SEMA3D: variants seen among roughly 807,000 people sequenced by gnomAD.
SEMA3D encodes semaphorin 3D, also known as semaphorin-3D.
Under a neutral mutation model 100.1 loss-of-function variants are expected in SEMA3D, and 84 were observed. The ratio of observed to expected loss-of-function variants is 0.84; its 90% CI spans 0.70 to 1.01. The LOEUF is 1.01. SEMA3D is among the 50% of genes least tolerant of loss of function. SEMA3D has a pLI of 0.00. For missense variants in SEMA3D, 875 were observed against 934.1 expected, an observed-to-expected ratio of 0.94 and a Z score of 0.82; for synonymous variants, 312 against 320.7, an observed-to-expected ratio of 0.97 and a Z score of 0.29.
At chr7:85,154,917 T>C (rs1412944024) in intron 1 of SEMA3D, among the ~76,000 whole-genome samples, 7 of 152,212 alleles carry the variant, frequency 4.6e-5, no homozygotes, top group Admixed American at 4.6e-4. Context: ...TTTTTAAAGG[T>C]ATTCATTTAA....
At chr7:85,081,374 C>CTTAATATTAATTAATATTAACATTAATTA (rs1432168050) in intron 5 of SEMA3D, 143 bp downstream of exon 5, 21 of 507,430 alleles carry the variant, frequency 4.1e-5, no homozygotes, top group Admixed American at 6.7e-5. Flanking sequence ...TATTTTATTC[C>CTTAATATTAATTAATATTAACATTAATTA]ACATTAATAT....
At position 85,169,623 on chromosome 7, in the gene SEMA3D, G is replaced by A. The variant is rs149267474; in HGVS notation, c.-172-15884C>T. On this transcript the variant is annotated intron_variant, in intron 1 of 18. Coordinates refer to ENST00000284136, the MANE Select transcript of SEMA3D (RefSeq NM_001384900.1). ...TTTGGATATCTTTGATTGAGAAAAGGATAATCATTTTAAGTCTTTCTGATT... is the reference window on the plus strand; with the variant it reads ...TTTGGATATCTTTGATTGAGAAAAGAATAATCATTTTAAGTCTTTCTGATT... Among the ~76,000 whole-genome samples the A allele has an allele frequency of 6.8e-3, 1,032 of 151,902 alleles. 16 individuals carry two copies. Among genetic ancestry groups the A allele is most frequent in the African/African-American group, 0.024 (992 of 41,514 alleles).
chr7:85,118,762 G>T (rs1789321230), intron 3 of SEMA3D, among the ~76,000 whole-genome samples: 1 of 152,142 alleles, frequency 6.6e-6, no homozygotes. Context: ...ACTGTTGACA[G>T]TTTCTTTTGC....
At chr7:85,185,547 T>C (rs942166381) in intron 1 of SEMA3D, among the ~76,000 whole-genome samples, 3 of 152,170 alleles carry the variant, frequency 2.0e-5, no homozygotes, top group Admixed American at 2.0e-4. Flanking sequence ...GCGAAATCGC[T>C]GAAAGTTCGG....
the SEMA3D span, among the ~76,000 whole-genome samples, chr7:85,216,780 T>C: frequency 1.3e-5 from 2 of 152,008 alleles, no homozygotes; most frequent in African/African-American, 2.4e-5. Flanking sequence ...AATTTGTTGT[T>C]TTCTGTAATT....
chr7:85,203,592 C>T, the SEMA3D span, among the ~76,000 whole-genome samples: 803 of 152,128 alleles, frequency 5.3e-3, 11 homozygotes, highest in African/African-American at 0.018. Flanking sequence ...GAGGCTATTT[C>T]CTGAAAAATA....
the SEMA3D span, among the ~76,000 whole-genome samples, chr7:85,231,094 G>GT: frequency 6.6e-6 from 1 of 152,046 alleles, no homozygotes; most frequent in Non-Finnish European, 1.5e-5. Context: ...CAGTGTGACT[G>GT]TTTTTTGTTT....
chr7:85,174,614 A>G (rs1791177917), intron 1 of SEMA3D, among the ~76,000 whole-genome samples: 1 of 152,148 alleles, frequency 6.6e-6, no homozygotes, highest in South Asian at 2.1e-4. Context: ...ATCCTTGAGA[A>G]ACAATCTTGT....
At chr7:85,094,708 T>A (rs1010272803) in intron 4 of SEMA3D, among the ~76,000 whole-genome samples, 4 of 152,066 alleles carry the variant, frequency 2.6e-5, no homozygotes, top group South Asian at 2.1e-4. Flanking sequence ...CATTTTGATC[T>A]AGTGTTGGGG....
intron 8 of SEMA3D, among the ~76,000 whole-genome samples, chr7:85,064,877 T>C (rs1260945540): frequency 1.3e-5 from 2 of 152,206 alleles, no homozygotes. Flanking sequence ...GACAAAATTA[T>C]GTCAATATTA....
chr7:85,126,408 T>TGTGTGTGTGTC (rs1562828157), intron 2 of SEMA3D, among the ~76,000 whole-genome samples: 45 of 130,792 alleles, frequency 3.4e-4, no homozygotes, highest in East Asian at 1.7e-3. Flanking sequence ...GTGTGTCGTG[T>TGTGTGTGTGTC]GTGTGTGTGT....
the SEMA3D span, among the ~76,000 whole-genome samples, chr7:85,246,828 T>C: frequency 6.6e-6 from 1 of 151,928 alleles, no homozygotes; most frequent in Non-Finnish European, 1.5e-5. Flanking sequence ...CATAAGCTTG[T>C]TGAGATGAGC....
At chr7:85,222,687 G>A in the SEMA3D span, among the ~76,000 whole-genome samples, 1 of 152,214 alleles carries the variant, frequency 6.6e-6, no homozygotes, top group South Asian at 2.1e-4. Context: ...CTGCACTTCA[G>A]TCTTTAGCAG....
intron 9 of SEMA3D, among the ~76,000 whole-genome samples, chr7:85,044,075 A>G (rs1790937076): frequency 6.6e-6 from 1 of 151,896 alleles, no homozygotes; most frequent in African/African-American, 2.4e-5. Flanking sequence ...TTTAAGTATA[A>G]ATTATATAAA....
rs1430106428 is a variant in SEMA3D, at chr7:84,997,645, A to G, written c.*1795T>C. The G allele has an allele frequency of 1.3e-5, 2 of 152,522 alleles. No individual in the cohort carries two copies. Among genetic ancestry groups the G allele is most frequent in the African/African-American group, 4.8e-5 (2 of 41,440 alleles). The allele number at this position is 152,522 out of a possible 1,614,324, so 9.4% of individuals were successfully genotyped here. Reference sequence around the variant, plus strand: ...AATAAAATAAAAATAACAGAGAGAGAATGCTCTCAACATAGAGCCACAGAT... The same window carrying G: ...AATAAAATAAAAATAACAGAGAGAGGATGCTCTCAACATAGAGCCACAGAT... On this transcript the variant is annotated 3_prime_UTR_variant, in exon 19 of 19. Coordinates refer to ENST00000284136, the MANE Select transcript of SEMA3D (RefSeq NM_001384900.1).
chr7:85,231,680 G>T, the SEMA3D span, among the ~76,000 whole-genome samples: 1 of 152,190 alleles, frequency 6.6e-6, no homozygotes, highest in Admixed American at 6.5e-5. Context: ...TCGATCTCCT[G>T]ACTTTGTGAT....
intron 9 of SEMA3D, among the ~76,000 whole-genome samples, chr7:85,049,940 G>A (rs1791113682): frequency 6.6e-6 from 1 of 151,726 alleles, no homozygotes; most frequent in African/African-American, 2.4e-5. Flanking sequence ...TAAGTATAAT[G>A]GGCAGCTCTT....
At chr7:85,127,137 C>T (rs900336659) in intron 2 of SEMA3D, among the ~76,000 whole-genome samples, 1 of 152,114 alleles carries the variant, frequency 6.6e-6, no homozygotes, top group Admixed American at 6.6e-5. Context: ...TGATTAAATG[C>T]TAATCTACTT....
chr7:85,013,305 A>G (rs965892094), intron 16 of SEMA3D, among the ~76,000 whole-genome samples: 2 of 151,760 alleles, frequency 1.3e-5, no homozygotes, highest in African/African-American at 4.8e-5. Flanking sequence ...TCATTATTGC[A>G]TAGATTTAAT....
Sources: allele counts gnomAD v4.1 joint callset (sites outside exome capture counted in the v4.1 genomes callset), GRCh38; gene constraint gnomAD v4.1.1; transcripts MANE v1.5; gene names NCBI Gene and HGNC (gene_info 2026-07-23, HGNC 2026-07-21).